The following TMC5 variants were observed in gnomAD, a reference collection of about 807,000 sequenced individuals.
TMC5 encodes transmembrane channel-like protein 5.
Under a neutral mutation model 110.5 loss-of-function variants are expected in TMC5, and 86 were observed. The observed-to-expected ratio is 0.78, with a 90% CI of 0.65 to 0.93. The LOEUF is 0.93. Ranked by LOEUF, TMC5 falls within the 40% of genes least tolerant of loss-of-function variation. The probability of loss-of-function intolerance (pLI) is 0.00; values close to 1 mark genes in which losing one functional copy is unlikely to be tolerated. For missense variants in TMC5, 1,144 were observed against 1,222.8 expected (o/e 0.94, Z 0.96); for synonymous variants, 455 against 439.5 (o/e 1.04, Z -0.44).
upstream of TMC5, among the ~76,000 whole-genome samples, chr16:19,414,843 C>T (rs9926221): frequency 0.052 from 7,879 of 151,674 alleles, 690 homozygotes; most frequent in African/African-American, 0.18. Context: ...GCCAGGAGTT[C>T]GAGACCAGCC....
At chr16:19,460,205 G>A in intron 5 of TMC5, 30 bp from the exon 6 acceptor site, 1 of 1,553,788 alleles carries the variant, frequency 6.4e-7, no homozygotes, top group African/African-American at 1.4e-5. Flanking sequence ...AAAGAAAAAA[G>A]AAATTAAATT....
At chr16:19,462,302 T>A (rs114899487) in intron 6 of TMC5, among the ~76,000 whole-genome samples, 1 of 152,304 alleles carries the variant, frequency 6.6e-6, no homozygotes, top group African/African-American at 2.4e-5. Flanking sequence ...GATCTCTATG[T>A]ACTTGATGCC....
intron 4 of TMC5, among the ~76,000 whole-genome samples, chr16:19,448,693 A>AAT (rs201962645): frequency 0.17 from 9,064 of 53,178 alleles, 392 homozygotes; most frequent in East Asian, 0.37. Context: ...ATTTATAGAT[A>AAT]ATATATATAT....
intron 5 of TMC5, among the ~76,000 whole-genome samples, chr16:19,459,826 G>A (rs1024098540): frequency 1.3e-5 from 2 of 150,774 alleles, no homozygotes; most frequent in African/African-American, 4.9e-5. Flanking sequence ...GCTGAGGTGG[G>A]AGGATCGCTT....
chr16:19,448,195 A>ATATATAT (rs748003790), intron 4 of TMC5, among the ~76,000 whole-genome samples: 10,598 of 150,980 alleles, frequency 0.07, 764 homozygotes, highest in African/African-American at 0.19. Context: ...GCTATGTTAG[A>ATATATAT]GTGCAGTTTA....
chr16:19,417,300 T>A (rs1267764944), upstream of TMC5, among the ~76,000 whole-genome samples: 5 of 150,248 alleles, frequency 3.3e-5, no homozygotes, highest in Non-Finnish European at 5.9e-5. Context: ...GCACCTGTGG[T>A]CCCAGCTGCT....
At chr16:19,442,082 C>T (rs375048737) in intron 3 of TMC5, among the ~76,000 whole-genome samples, 1 of 152,152 alleles carries the variant, frequency 6.6e-6, no homozygotes, top group African/African-American at 2.4e-5. Context: ...GGATTACAGG[C>T]GTGAGCCACT....
Position 19,494,303 on chromosome 16 carries a change from G to A in TMC5, c.2868G>A (p.Lys956=). The change falls in exon 20 of 22, where the codon AAG becomes AAA. Residue 956 remains lysine (K), a synonymous_variant. Coordinates refer to ENST00000542583, the MANE Select transcript of TMC5 (RefSeq NM_001261841.2). ...DKMFLIEKLI[K]LQDMEKKANP... is the part of the protein sequence containing the mutation. The stretch of plus-strand genomic sequence containing the variant: ...TGTTCCTGATAGAAAAATTGATCAA[G>A]CTGCAGGATATGGAGAAGAAAGCAA... The A allele has an allele frequency of 6.2e-7, 1 of 1,613,474 alleles. No individual in the cohort carries two copies. The highest frequency in any genetic ancestry group is 8.5e-7 in the Non-Finnish European group (1 of 1,179,738).
chr16:19,466,940 T>C (rs1968205363), intron 9 of TMC5, among the ~76,000 whole-genome samples: 3 of 151,538 alleles, frequency 2.0e-5, no homozygotes, highest in Admixed American at 6.6e-5. Context: ...AGTCCAGGAG[T>C]TCGAGACTGG....
At chr16:19,477,964 A>G (rs577070000) in intron 13 of TMC5, among the ~76,000 whole-genome samples, 5 of 152,182 alleles carry the variant, frequency 3.3e-5, no homozygotes, top group Admixed American at 1.3e-4. Context: ...GGCTTTACCA[A>G]TATGTAAACT....
At chr16:19,448,863 C>CTT (rs761356076) in intron 4 of TMC5, among the ~76,000 whole-genome samples, 69 of 128,172 alleles carry the variant, frequency 5.4e-4, no homozygotes, top group Non-Finnish European at 8.4e-4. Context: ...GTATTTTTTT[C>CTT]TTTTTTTTTT....
chr16:19,462,673 G>A, intron 6 of TMC5: 1 of 583,960 alleles, frequency 1.7e-6, no homozygotes, highest in South Asian at 1.9e-5. Context: ...GCCAAGGCAG[G>A]TGGATCACCT....
intron 5 of TMC5, chr16:19,456,455 A>T (rs1162506447): frequency 2.6e-6 from 3 of 1,176,088 alleles, no homozygotes; most frequent in Non-Finnish European, 3.2e-6. Context: ...CCAAGACAGA[A>T]TTCTCTGCAG....
chr16:19,449,770 G>A, intron 5 of TMC5, 139 bp downstream of exon 5: 1 of 706,742 alleles, frequency 1.4e-6, no homozygotes, highest in Non-Finnish European at 2.5e-6. Flanking sequence ...ATGATATTGA[G>A]GGAGTTCCCT....
At chr16:19,480,229 G>GT (rs11377712) in intron 14 of TMC5, among the ~76,000 whole-genome samples, 6,362 of 152,158 alleles carry the variant, frequency 0.042, 159 homozygotes, top group African/African-American at 0.059. Flanking sequence ...TTGAATTAAT[G>GT]TATTAATTTT....
At chr16:19,432,585 G>A (rs977921462) in intron 2 of TMC5, among the ~76,000 whole-genome samples, 1 of 152,184 alleles carries the variant, frequency 6.6e-6, no homozygotes, top group East Asian at 1.9e-4. Context: ...CAGTGTGAGA[G>A]ACTATTTCCT....
intron 9 of TMC5, among the ~76,000 whole-genome samples, chr16:19,468,484 C>CT (rs1488207286): frequency 6.6e-6 from 1 of 152,142 alleles, no homozygotes; most frequent in Admixed American, 6.6e-5. Flanking sequence ...CGACCCCCCC[C>CT]AGAGAAGTCT....
rs542845245 is a variant in TMC5 at position 19,471,292 on chromosome 16, T to A, written c.1783-796T>A. On this transcript the variant is annotated intron_variant, in intron 10 of 21. Coordinates refer to ENST00000542583, the MANE Select transcript of TMC5 (RefSeq NM_001261841.2). ...TTTTTGTAGAGAGAGAATCTCACTA[T>A]GTTGCCCAGGCTGGTCTTGAACTCC... Among the ~76,000 whole-genome samples the A allele has an allele frequency of 3.3e-5, 5 of 152,256 alleles. No homozygotes were observed. The East Asian group carries it at 9.7e-4, about 29-fold the overall frequency.
chr16:19,477,777 A>G (rs1009511378), intron 13 of TMC5, among the ~76,000 whole-genome samples: 1 of 152,160 alleles, frequency 6.6e-6, no homozygotes, highest in Non-Finnish European at 1.5e-5. Context: ...TTTGAGCCTC[A>G]GTTTTCTCAT....
Sources: gnomAD v4.1 joint callset for allele counts (sites outside exome capture counted in the v4.1 genomes callset) on GRCh38, gnomAD v4.1.1 for gene constraint, MANE v1.5 for transcripts, NCBI Gene and HGNC (gene_info 2026-07-23, HGNC 2026-07-21) for gene names.